ROBO1: variants seen among roughly 807,000 people sequenced by gnomAD.
ROBO1 encodes roundabout guidance receptor 1.
ROBO1 carries 149 observed loss-of-function variants against 195.9 expected under a neutral mutation model. The observed-to-expected ratio is 0.76, with a 90% CI of 0.67 to 0.87. The LOEUF (loss-of-function observed/expected upper bound fraction) is 0.87, where lower values mean the gene tolerates loss of function less well. ROBO1 is among the 40% of genes least tolerant of loss of function. The pLI is 0.00. For missense variants in ROBO1, 1,933 were observed against 2,068.3 expected (o/e 0.93, Z 1.27); for synonymous variants, 816 against 733.2 (o/e 1.11, Z -1.82).
intron 2 of ROBO1, among the ~76,000 whole-genome samples, chr3:79,525,229 T>C (rs1052956144): frequency 7.9e-5 from 12 of 150,966 alleles, no homozygotes; most frequent in African/African-American, 2.9e-4. Flanking sequence ...TTATGGTTAA[T>C]TTTTTAGTCT....
At chr3:78,799,443 G>A (rs957998498) in intron 4 of ROBO1, among the ~76,000 whole-genome samples, 11 of 151,994 alleles carry the variant, frequency 7.2e-5, no homozygotes, top group African/African-American at 2.2e-4. Context: ...CCGGGTTCAC[G>A]CCATTCTCCT....
intron 2 of ROBO1, among the ~76,000 whole-genome samples, chr3:79,526,786 C>A (rs961730169): frequency 2.6e-5 from 4 of 152,022 alleles, no homozygotes; most frequent in Non-Finnish European, 5.9e-5. Context: ...AGACTAAATT[C>A]TATAATCTTT....
Position 79,706,519 on chromosome 3 carries a change from G to A in ROBO1, c.-51+61233C>T, listed in dbSNP as rs369509743. Among the ~76,000 whole-genome samples, 104 of 152,150 alleles carry A rather than the reference G, an allele frequency of 6.8e-4. No homozygotes were observed. In the East Asian group the frequency reaches 8.5e-3, roughly 12 times the overall value. On this transcript the variant is annotated intron_variant, in intron 1 of 30. Transcript: ENST00000464233. ...CCTATTTTGTAATAGATATGGTTTGGCTGTGTCCACACCCAAATCTCATCT... is the reference window on the plus strand; with the variant it reads ...CCTATTTTGTAATAGATATGGTTTGACTGTGTCCACACCCAAATCTCATCT...
intron 2 of ROBO1, among the ~76,000 whole-genome samples, chr3:79,181,799 G>GT (rs2081344279): frequency 2.0e-5 from 3 of 151,852 alleles, no homozygotes; most frequent in African/African-American, 7.3e-5. Flanking sequence ...TACTGGTGGT[G>GT]ACAGTAGTCC....
intron 4 of ROBO1, among the ~76,000 whole-genome samples, chr3:78,807,963 A>G (rs1276520639): frequency 6.6e-6 from 1 of 152,206 alleles, no homozygotes; most frequent in Non-Finnish European, 1.5e-5. Flanking sequence ...TCTCTGTCAC[A>G]TAACAGTGAT....
intron 4 of ROBO1, among the ~76,000 whole-genome samples, chr3:78,754,700 G>T (rs1865862): frequency 0.28 from 43,103 of 152,000 alleles, 6,302 homozygotes; most frequent in East Asian, 0.51. Flanking sequence ...GGGGTATAGG[G>T]AGGTAGACAC....
In ROBO1 at chr3:78,606,930, G is replaced by A. The variant is rs766779248; in HGVS notation, c.4547C>T (p.Ala1516Val). Residue 1516 changes from alanine (A) to valine (V), a missense_variant, in exon 29 of 31, where the codon GCA (alanine) becomes GTA (valine). By Grantham distance (64) the Ala-to-Val change is moderately conservative (BLOSUM62 0). Transcript: ENST00000464233. ...VVVPKLPSMD[A>V]RTDRSSDRKG... ...TCTGTCTGATGATCTGTCTGTTCTT[G>A]CATCCATAGAAGGGAGTTTTGGCAC... is the stretch of plus-strand genomic sequence containing the variant. 6.2e-7 allele frequency: 1 copy of A among 1,613,802 alleles called. No homozygotes were observed. The highest frequency in any genetic ancestry group is 8.5e-7 in the Non-Finnish European group (1 of 1,179,874).
intron 4 of ROBO1, among the ~76,000 whole-genome samples, chr3:78,787,462 A>C (rs1370163127): frequency 6.6e-6 from 1 of 152,198 alleles, no homozygotes; most frequent in Non-Finnish European, 1.5e-5. Context: ...TCGATGATTT[A>C]TTAAAGAGAA....
At chr3:78,879,527 T>TA (rs36093275) in intron 4 of ROBO1, among the ~76,000 whole-genome samples, 45,715 of 147,210 alleles carry the variant, frequency 0.31, 6,949 homozygotes, top group Non-Finnish European at 0.34. Context: ...TTCATTCATT[T>TA]AAAAAAAAAA....
chr3:78,890,742 G>C (rs376291002), intron 4 of ROBO1, among the ~76,000 whole-genome samples: 4 of 151,974 alleles, frequency 2.6e-5, no homozygotes, highest in African/African-American at 7.3e-5. Flanking sequence ...GCTTCATTTC[G>C]TGTTTTTATT....
intron 3 of ROBO1, among the ~76,000 whole-genome samples, chr3:78,970,019 G>C (rs1294744920): frequency 6.6e-6 from 1 of 152,058 alleles, no homozygotes; most frequent in Non-Finnish European, 1.5e-5. Context: ...GAAAGAGAAT[G>C]ACCTACAAAT....
intron 3 of ROBO1, among the ~76,000 whole-genome samples, chr3:79,050,213 A>C (rs1246699945): frequency 6.6e-6 from 1 of 152,154 alleles, no homozygotes; most frequent in South Asian, 2.1e-4. Context: ...TACCTAGCAA[A>C]TGGGAAGCAA....
chr3:79,285,459 A>G (rs2031828543), intron 2 of ROBO1, among the ~76,000 whole-genome samples: 1 of 152,172 alleles, frequency 6.6e-6, no homozygotes, highest in Admixed American at 6.5e-5. Context: ...TTAACCATAC[A>G]CTACTCAATC....
chr3:78,669,125 C>T (rs1287336878), intron 11 of ROBO1, among the ~76,000 whole-genome samples: 6 of 152,120 alleles, frequency 3.9e-5, no homozygotes, highest in East Asian at 3.9e-4. Context: ...CAAGCTGGAA[C>T]GAACACTCTC....
In ROBO1 at chr3:78,662,085, G is replaced by A. The variant is rs1183875789; in HGVS notation, c.1996C>T (p.His666Tyr). The A allele has an allele frequency of 6.4e-7, 1 of 1,571,988 alleles. No homozygotes were observed. The highest frequency in any genetic ancestry group is 1.3e-5 in the African/African-American group (1 of 74,158). ...CCCAGCTCTCTCTGGACCTGCTTGT[G>A]GTCCACCCCCTGACTTGTTGGTAGG... ...DVLPTSQGVD[H>Y]KQVQRELGNA... Residue 666 changes from histidine to tyrosine, a missense_variant, in exon 15 of 31, where the codon CAC (histidine) becomes TAC (tyrosine). Around this residue, in one of 3 missense-constraint regions of ROBO1, gnomAD observed 1,737 missense variants for 1,882.5 expected, o/e 0.92. Transcript: ENST00000464233.
chr3:79,553,897 C>T (rs1429552258), intron 2 of ROBO1, among the ~76,000 whole-genome samples: 1 of 151,974 alleles, frequency 6.6e-6, no homozygotes, highest in Admixed American at 6.6e-5. Flanking sequence ...GTTCTTATTC[C>T]ATGTAGTTAT....
At chr3:79,391,358 G>C (rs1432544719) in intron 2 of ROBO1, among the ~76,000 whole-genome samples, 1 of 152,030 alleles carries the variant, frequency 6.6e-6, no homozygotes, top group Non-Finnish European at 1.5e-5. Context: ...TCCTAACACA[G>C]ACGGAACAAC....
At chr3:78,748,310 T>C (rs1379085249) in intron 4 of ROBO1, among the ~76,000 whole-genome samples, 2 of 151,974 alleles carry the variant, frequency 1.3e-5, no homozygotes, top group Non-Finnish European at 2.9e-5. Flanking sequence ...CCAGGCACAG[T>C]GATGCATGCC....
intron 2 of ROBO1, among the ~76,000 whole-genome samples, chr3:79,479,222 C>G (rs971699647): frequency 6.6e-6 from 1 of 152,130 alleles, no homozygotes; most frequent in African/African-American, 2.4e-5. Context: ...GGGCGGATTT[C>G]GTGGAAGATG....
Sources: allele counts gnomAD v4.1 joint callset (sites outside exome capture counted in the v4.1 genomes callset), GRCh38; gene constraint gnomAD v4.1.1; regional missense constraint gnomAD v4.1.1; transcripts MANE v1.5; gene names NCBI Gene and HGNC (gene_info 2026-07-23, HGNC 2026-07-21).